The following NDUFS4 variants were observed in gnomAD, a reference collection of about 807,000 sequenced individuals.
The protein encoded by NDUFS4 is NADH dehydrogenase [ubiquinone] iron-sulfur protein 4, mitochondrial.
NDUFS4 carries 28 observed loss-of-function variants against 24.3 expected under a neutral mutation model. That is an observed-to-expected ratio of 1.15 (90% confidence interval 0.85 to 1.58). The LOEUF is 1.58. NDUFS4 is among the 40% of genes most tolerant of loss of function. NDUFS4 has a pLI of 0.00. For missense variants in NDUFS4, 223 were observed against 207.9 expected (o/e 1.07, Z -0.45); for synonymous variants, 93 against 69.7 (o/e 1.34, Z -1.67).
chr5:53,681,577 A>G (rs1740667168), intron 4 of NDUFS4, among the ~76,000 whole-genome samples: 1 of 152,170 alleles, frequency 6.6e-6, no homozygotes. Context: ...AGTAAGCTAT[A>G]GCTTTGTAAC....
At chr5:53,635,536 T>C (rs1332623642) in intron 2 of NDUFS4, among the ~76,000 whole-genome samples, 2 of 151,800 alleles carry the variant, frequency 1.3e-5, no homozygotes, top group African/African-American at 4.8e-5. Context: ...AATAAATAAG[T>C]AAAAATAAAA....
At chr5:53,602,652 A>G (rs565497856) in intron 1 of NDUFS4, among the ~76,000 whole-genome samples, 2 of 152,278 alleles carry the variant, frequency 1.3e-5, no homozygotes, top group African/African-American at 2.4e-5. Context: ...AATGCCATAT[A>G]TTTGGGGTGG....
intron 4 of NDUFS4, among the ~76,000 whole-genome samples, chr5:53,665,531 G>T (rs746668007): frequency 6.6e-6 from 1 of 152,198 alleles, no homozygotes; most frequent in Admixed American, 6.5e-5. Context: ...AATGGCGGAC[G>T]CCCCTCCCAC....
At chr5:53,643,309 C>A (rs576538593) in intron 2 of NDUFS4, among the ~76,000 whole-genome samples, 1 of 152,152 alleles carries the variant, frequency 6.6e-6, no homozygotes, top group Non-Finnish European at 1.5e-5. Context: ...TCTAGCTTTT[C>A]TAAATAGGTT....
At chr5:53,598,788 C>T (rs1338096466) in intron 1 of NDUFS4, among the ~76,000 whole-genome samples, 1 of 152,128 alleles carries the variant, frequency 6.6e-6, no homozygotes, top group Non-Finnish European at 1.5e-5. Flanking sequence ...TTTTCATTTT[C>T]AGGATATCTC....
chr5:53,623,874 A>G (rs1372734296), intron 2 of NDUFS4, among the ~76,000 whole-genome samples: 2 of 152,052 alleles, frequency 1.3e-5, no homozygotes, highest in Non-Finnish European at 2.9e-5. Context: ...GTGCACCACC[A>G]TGCCCTCCTA....
intron 2 of NDUFS4, among the ~76,000 whole-genome samples, chr5:53,618,015 A>G (rs1021733873): frequency 3.9e-5 from 6 of 152,308 alleles, no homozygotes; most frequent in Admixed American, 3.9e-4. Context: ...AGTGGCTCAC[A>G]ACTGTAACCC....
intron 3 of NDUFS4, among the ~76,000 whole-genome samples, chr5:53,656,046 T>G (rs1752153659): frequency 6.6e-6 from 1 of 152,076 alleles, no homozygotes. Context: ...AATCCTGGAC[T>G]CCGTCTCCAG....
At chr5:53,568,574 A>T (rs1749116176) in intron 1 of NDUFS4, among the ~76,000 whole-genome samples, 2 of 152,156 alleles carry the variant, frequency 1.3e-5, no homozygotes, top group Admixed American at 6.5e-5. Context: ...CTTAGAGGGA[A>T]AAAAGGCATT....
intron 4 of NDUFS4, among the ~76,000 whole-genome samples, chr5:53,663,459 G>T (rs2112528756): frequency 6.6e-6 from 1 of 152,134 alleles, no homozygotes; most frequent in East Asian, 1.9e-4. Flanking sequence ...TTATTGCGTG[G>T]GAGTCTTAAG....
At chr5:53,603,336 C>CTTTCCTT in intron 1 of NDUFS4, 116 bp from the exon 2 acceptor site, 1 of 508,614 alleles carries the variant, frequency 2.0e-6, no homozygotes. Context: ...CTTTCCTTTC[C>CTTTCCTT]TTTTTTTTTT....
At chr5:53,591,613 C>A (rs535724543) in intron 1 of NDUFS4, among the ~76,000 whole-genome samples, 2 of 151,906 alleles carry the variant, frequency 1.3e-5, no homozygotes, top group Non-Finnish European at 2.9e-5. Context: ...AGTTGCTGAT[C>A]CTATGTTAAA....
At position 53,622,775 on chromosome 5, in the gene NDUFS4, A is replaced by G. The variant is rs564198195; in HGVS notation, c.177+19245A>G. ...CAAAGTTTACCATTTTTAAGAGCAC[A>G]ATTCAGTGGCATTAACCACATTCAT... On this transcript the variant is annotated intron_variant, in intron 2 of 4. Transcript: ENST00000296684. Among the ~76,000 whole-genome samples, 58 of 152,334 alleles carry G rather than the reference A, an allele frequency of 3.8e-4. No individual in the cohort carries two copies. In the South Asian group the frequency reaches 0.011, roughly 29 times the overall value.
chr5:53,574,313 T>C (rs1749316904), intron 1 of NDUFS4, among the ~76,000 whole-genome samples: 1 of 152,210 alleles, frequency 6.6e-6, no homozygotes, highest in Non-Finnish European at 1.5e-5. Context: ...TCTAATGCCT[T>C]TTATGCATCA....
rs891317964 is a variant in NDUFS4 at position 53,562,825 on chromosome 5, C to A, written c.98+2065C>A. Reference sequence around the variant, plus strand: ...AATGGGAAAATCTACATCTAAAATTCATTTTATTGTAATGCTTAGAAAAAC... The same window carrying A: ...AATGGGAAAATCTACATCTAAAATTAATTTTATTGTAATGCTTAGAAAAAC... On this transcript the variant is annotated intron_variant, in intron 1 of 4. Transcript: ENST00000296684. Among the ~76,000 whole-genome samples, 3 of 152,064 alleles carry A rather than the reference C, an allele frequency of 2.0e-5. No homozygotes were observed. In the South Asian group the frequency reaches 6.2e-4, roughly 31 times the overall value.
intron 2 of NDUFS4, among the ~76,000 whole-genome samples, chr5:53,627,631 C>T (rs1023091925): frequency 6.6e-6 from 1 of 152,052 alleles, no homozygotes; most frequent in Non-Finnish European, 1.5e-5. Context: ...GTATTTTATT[C>T]TCTTTGTAGT....
intron 1 of NDUFS4, among the ~76,000 whole-genome samples, chr5:53,588,114 T>A (rs1749826184): frequency 6.6e-6 from 1 of 152,254 alleles, no homozygotes. Context: ...GTAAAGCGAG[T>A]CACACAAATT....
chr5:53,569,996 A>G (rs1749156228), intron 1 of NDUFS4, among the ~76,000 whole-genome samples: 1 of 152,222 alleles, frequency 6.6e-6, no homozygotes. Flanking sequence ...TTTTAAAATT[A>G]TAAAGAAAAA....
At chr5:53,669,866 C>T (rs1752616328) in intron 4 of NDUFS4, among the ~76,000 whole-genome samples, 1 of 152,072 alleles carries the variant, frequency 6.6e-6, no homozygotes, top group African/African-American at 2.4e-5. Context: ...ATGCTTTAAA[C>T]TTTTCTTTAA....
Sources: gnomAD v4.1 joint callset for allele counts (sites outside exome capture counted in the v4.1 genomes callset) on GRCh38, gnomAD v4.1.1 for gene constraint, MANE v1.5 for transcripts, NCBI Gene and HGNC (gene_info 2026-07-23, HGNC 2026-07-21) for gene names.